TENM2: variants seen among roughly 807,000 people sequenced by gnomAD.
The protein encoded by TENM2 is teneurin transmembrane protein 2.
TENM2 carries 52 observed loss-of-function variants against 245.2 expected under a neutral mutation model. The ratio of observed to expected loss-of-function variants is 0.21; its 90% confidence interval spans 0.17 to 0.27. The LOEUF (loss-of-function observed/expected upper bound fraction) is 0.27. TENM2 is among the 10% of genes least tolerant of loss of function. The pLI is 1.00. For synonymous variants in TENM2, 1,363 were observed against 1,438.9 expected, an observed-to-expected ratio of 0.95 and a Z score of 1.19; for missense variants, 3,046 against 3,666.8, an observed-to-expected ratio of 0.83 and a Z score of 4.37.
At chr5:167,270,745 A>G in the TENM2 span, among the ~76,000 whole-genome samples, 2 of 152,092 alleles carry the variant, frequency 1.3e-5, no homozygotes, top group Admixed American at 6.6e-5. Context: ...ATGCTCTAAG[A>G]CTGCCGTTTT....
chr5:167,985,292 G>T (rs1645959942), intron 4 of TENM2, among the ~76,000 whole-genome samples: 1 of 151,984 alleles, frequency 6.6e-6, no homozygotes, highest in Non-Finnish European at 1.5e-5. Flanking sequence ...AATATTTTAG[G>T]GATTAATGGG....
intron 2 of TENM2, among the ~76,000 whole-genome samples, chr5:167,767,815 T>C (rs1239553293): frequency 1.3e-5 from 2 of 152,184 alleles, no homozygotes; most frequent in Non-Finnish European, 2.9e-5. Context: ...AGACCACACT[T>C]GTGGGGGTAA....
chr5:167,375,911 G>A (rs938353887), intron 2 of TENM2, among the ~76,000 whole-genome samples: 11 of 152,012 alleles, frequency 7.2e-5, no homozygotes, highest in African/African-American at 2.4e-4. Context: ...ATTTCCAGGC[G>A]GCAATGCCTC....
At chr5:167,967,686 T>C (rs1781480399) in intron 4 of TENM2, among the ~76,000 whole-genome samples, 1 of 152,186 alleles carries the variant, frequency 6.6e-6, no homozygotes, top group Non-Finnish European at 1.5e-5. Context: ...AATTACAAAT[T>C]GAGACCACCC....
At chr5:167,136,286 A>G in the TENM2 span, among the ~76,000 whole-genome samples, 2 of 152,184 alleles carry the variant, frequency 1.3e-5, no homozygotes, top group South Asian at 2.1e-4. Context: ...ACAAATTGCT[A>G]TCGATGCTCC....
At chr5:168,230,122 G>A (rs942891383) in intron 25 of TENM2, among the ~76,000 whole-genome samples, 5 of 152,114 alleles carry the variant, frequency 3.3e-5, no homozygotes, top group African/African-American at 7.2e-5. Flanking sequence ...ATTAGCCCAA[G>A]TTAGGCACAC....
chr5:168,230,193 A>C (rs1455515680), intron 25 of TENM2, among the ~76,000 whole-genome samples: 1 of 152,238 alleles, frequency 6.6e-6, no homozygotes, highest in African/African-American at 2.4e-5. Flanking sequence ...TATGCAAATC[A>C]AAACACAGTT....
At chr5:167,076,086 T>C in the TENM2 span, among the ~76,000 whole-genome samples, 1 of 152,192 alleles carries the variant, frequency 6.6e-6, no homozygotes, top group Non-Finnish European at 1.5e-5. Context: ...TCCTAAGGTA[T>C]ACAGCTTTTC....
chr5:168,147,523 A>G (rs1756208071), intron 12 of TENM2, among the ~76,000 whole-genome samples: 2 of 152,308 alleles, frequency 1.3e-5, no homozygotes, highest in South Asian at 4.1e-4. Context: ...CAGCCAAGAA[A>G]CCAAAATGAT....
At chr5:167,757,703 C>T (rs1762399959) in intron 2 of TENM2, among the ~76,000 whole-genome samples, 1 of 152,158 alleles carries the variant, frequency 6.6e-6, no homozygotes, top group Non-Finnish European at 1.5e-5. Flanking sequence ...TTTACACTCC[C>T]ACCAACAGTG....
chr5:168,196,825 G>T (rs776499975), intron 15 of TENM2, among the ~76,000 whole-genome samples: 25 of 152,174 alleles, frequency 1.6e-4, no homozygotes, highest in Non-Finnish European at 3.7e-4. Flanking sequence ...AACAACAGAA[G>T]GAGACATTTC....
At chr5:168,107,996 T>C (rs1794389698) in intron 9 of TENM2, among the ~76,000 whole-genome samples, 1 of 152,228 alleles carries the variant, frequency 6.6e-6, no homozygotes, top group African/African-American at 2.4e-5. Flanking sequence ...CCTCCCTGTA[T>C]TTAGTTTGGT....
At chr5:167,380,474 G>A (rs1342259586) in intron 2 of TENM2, among the ~76,000 whole-genome samples, 1 of 152,144 alleles carries the variant, frequency 6.6e-6, no homozygotes, top group East Asian at 1.9e-4. Flanking sequence ...AGGAGCCTGT[G>A]CCTTATTTCA....
intron 2 of TENM2, among the ~76,000 whole-genome samples, chr5:167,872,524 GAA>G (rs1222725868): frequency 1.9e-5 from 1 of 51,320 alleles, no homozygotes; most frequent in African/African-American, 5.2e-5. Context: ...AAGAAAGAAA[GAA>G]AGAAAGAAAG....
At chr5:167,183,985 A>G in the TENM2 span, among the ~76,000 whole-genome samples, 1 of 152,306 alleles carries the variant, frequency 6.6e-6, no homozygotes, top group South Asian at 2.1e-4. Flanking sequence ...TTTTTTGCCT[A>G]GAAGCACACA....
At chr5:167,758,115 T>A (rs908799548) in intron 2 of TENM2, among the ~76,000 whole-genome samples, 1 of 152,146 alleles carries the variant, frequency 6.6e-6, no homozygotes, top group East Asian at 1.9e-4. Flanking sequence ...TGAAAATCTC[T>A]TAGGAAATTG....
intron 2 of TENM2, among the ~76,000 whole-genome samples, chr5:167,616,196 C>T (rs1225185252): frequency 6.6e-6 from 1 of 152,104 alleles, no homozygotes; most frequent in Non-Finnish European, 1.5e-5. Context: ...AGATATGATG[C>T]ACTTTCCAGA....
At chr5:167,619,864 TA>T (rs1055150639) in intron 2 of TENM2, among the ~76,000 whole-genome samples, 7 of 152,112 alleles carry the variant, frequency 4.6e-5, no homozygotes, top group African/African-American at 1.7e-4. Context: ...CTCCCCCTTT[TA>T]AAAAAATTAA....
In TENM2 at chr5:167,380,518, C is replaced by A. The variant is rs148190177; in HGVS notation, c.502+5045C>A. Among the ~76,000 whole-genome samples, 19 of 152,262 alleles carry A rather than the reference C, an allele frequency of 1.2e-4. No homozygotes were observed. In the East Asian group the frequency reaches 3.5e-3, roughly 28 times the overall value. On this transcript the variant is annotated intron_variant, in intron 2 of 28. Transcript: ENST00000518659. ...CTTTCCAGATTATAAACTTTAGTGG[C>A]ATGGTCTTTAGTTATTTATATATTT...
Sources: gnomAD v4.1 joint callset for allele counts (sites outside exome capture counted in the v4.1 genomes callset) on GRCh38, gnomAD v4.1.1 for gene constraint, MANE v1.5 for transcripts, NCBI Gene and HGNC (gene_info 2026-07-23, HGNC 2026-07-21) for gene names.